The following ZNF682 variants were observed in gnomAD, a reference collection of about 807,000 sequenced individuals.
ZNF682 encodes the protein zinc finger protein 682.
Under a neutral mutation model 36.5 loss-of-function variants are expected in ZNF682, and 29 were observed. The observed-to-expected ratio is 0.80, with a 90% CI of 0.59 to 1.08. The LOEUF is 1.08. ZNF682 is among the 50% of genes least tolerant of loss of function. The pLI, the probability that ZNF682 is intolerant of heterozygous loss-of-function variation, is 0.00. For missense variants in ZNF682, 561 were observed against 579.7 expected (o/e 0.97, Z 0.33); for synonymous variants, 180 against 197.0 (o/e 0.91, Z 0.72).
At chr19:20,033,074 T>C (rs1391136694) in intron 1 of ZNF682, among the ~76,000 whole-genome samples, 1 of 152,132 alleles carries the variant, frequency 6.6e-6, no homozygotes, top group African/African-American at 2.4e-5. Context: ...GAGACAAGCC[T>C]GGCCAACGTG....
In ZNF682 at chr19:20,006,477, T is replaced by G. The variant is rs1467185216; in HGVS notation, c.1025A>C (p.Lys342Thr). Residue 342 changes from lysine to threonine, a missense_variant, in exon 4 of 4, where the codon AAA becomes ACA. By Grantham distance (78) the Lys-to-Thr change is moderately conservative (BLOSUM62 -1). Coordinates refer to ENST00000397165, the MANE Select transcript of ZNF682 (RefSeq NM_033196.3). ...ERTHTGEKPYKCEECGKAFNS... is the reference protein window; with the variant it reads ...ERTHTGEKPYTCEECGKAFNS... ...AAAAGCTTTGCCACATTCTTCACAT[T>G]TATAGGGTTTCTCTCCCGTATGGGT... is the stretch of plus-strand genomic sequence containing the variant. The G allele has an allele frequency of 6.2e-7, 1 of 1,613,922 alleles. No individual in the cohort carries two copies. Among genetic ancestry groups the G allele is most frequent in the Non-Finnish European group, 8.5e-7 (1 of 1,180,012 alleles).
chr19:20,022,926 A>G (rs2088398577), intron 3 of ZNF682, 78 bp downstream of exon 3: 9 of 1,230,220 alleles, frequency 7.3e-6, no homozygotes, highest in Admixed American at 1.9e-5. Flanking sequence ...GAGCTTCTCA[A>G]ATAACTCTTG....
At chr19:20,016,772 T>C (rs1432699690) in intron 3 of ZNF682, among the ~76,000 whole-genome samples, 3 of 152,138 alleles carry the variant, frequency 2.0e-5, no homozygotes, top group Admixed American at 6.5e-5. Flanking sequence ...TCACCATGTG[T>C]ATAGTTCTAT....
chr19:20,039,222 G>A, intron 1 of ZNF682, 121 bp downstream of exon 1: 5 of 1,494,018 alleles, frequency 3.3e-6, no homozygotes, highest in Non-Finnish European at 4.5e-6. Flanking sequence ...TGCCTGCCGG[G>A]GACTCCAGTC....
chr19:20,019,238 AC>A (rs60061877), intron 3 of ZNF682, among the ~76,000 whole-genome samples: 60 of 151,566 alleles, frequency 4.0e-4, no homozygotes, highest in African/African-American at 1.4e-3. Context: ...AACTGTAACC[AC>A]CCCCCCAAAA....
At chr19:20,020,905 C>T (rs761801128) in intron 3 of ZNF682, among the ~76,000 whole-genome samples, 3 of 152,048 alleles carry the variant, frequency 2.0e-5, no homozygotes, top group East Asian at 1.9e-4. Context: ...GACCCAGTCT[C>T]GAAGTGGGGA....
chr19:20,005,897 A>T lies in ZNF682; in HGVS notation c.*108T>A. Reference sequence around the variant, plus strand: ...CTTTCCCCACATTCTTCACATTTGTAGTGTTTCTCTCCAGTATGAATTATC... The same window carrying T: ...CTTTCCCCACATTCTTCACATTTGTTGTGTTTCTCTCCAGTATGAATTATC... On this transcript the variant is annotated 3_prime_UTR_variant, in exon 4 of 4. Coordinates refer to ENST00000397165, the MANE Select transcript of ZNF682 (RefSeq NM_033196.3). 2 of 1,060,056 alleles carry T rather than the reference A, an allele frequency of 1.9e-6. No homozygotes were observed. The highest frequency in any genetic ancestry group is 2.7e-6 in the Non-Finnish European group (2 of 734,000). 65.7% of individuals were successfully genotyped at this position (1,060,056 alleles called of 1,614,324 possible). A position where few individuals can be genotyped will look rare whatever the true frequency, so the allele number is the denominator to read the frequency against.
chr19:20,021,539 G>A (rs2088384170), intron 3 of ZNF682, among the ~76,000 whole-genome samples: 1 of 152,116 alleles, frequency 6.6e-6, no homozygotes, highest in African/African-American at 2.4e-5. Flanking sequence ...GTTAACAGAT[G>A]CATTCATTAA....
At chr19:20,008,288 C>T (rs946453025) in intron 3 of ZNF682, 81 of 152,210 alleles carry the variant, frequency 5.3e-4, no homozygotes, top group African/African-American at 1.8e-3. Context: ...GGTTTCCATC[C>T]CAGGAAGCCT....
In ZNF682 at chr19:20,020,697, CAT is replaced by C. The variant is rs1269064638; in HGVS notation, c.226+2305_226+2306del. On this transcript the variant is annotated intron_variant, in intron 3 of 3. Transcript: ENST00000397165. ...CTGACTGGATAAAGAAAATATGACA[CAT>C]ATACACAATAGAGTATTATTCAGCC... 8.6e-5 allele frequency among the ~76,000 whole-genome samples: 13 copies of C among 152,014 alleles called. 1 individual carries two copies. Among genetic ancestry groups the C allele is most frequent in the Admixed American group, 2.0e-4 (3 of 15,242 alleles).
intron 3 of ZNF682, among the ~76,000 whole-genome samples, chr19:19,997,730 C>T (rs1035064): frequency 0.05 from 7,610 of 152,278 alleles, 373 homozygotes; most frequent in East Asian, 0.18. Flanking sequence ...TTACTCTTAT[C>T]GCACTTGGAG....
chr19:20,006,831 G>A lies in ZNF682; in HGVS notation c.671C>T (p.Thr224Ile), dbSNP rs1243931485. The A allele has an allele frequency of 8.1e-6, 13 of 1,614,030 alleles. No individual in the cohort carries two copies. Among genetic ancestry groups the A allele is most frequent in the Non-Finnish European group, 1.1e-5 (13 of 1,180,026 alleles). The change falls in exon 4 of 4, where the codon ACT becomes ATT. Residue 224 changes from threonine (T) to isoleucine (I), a missense_variant. Transcript: ENST00000397165. The stretch of plus-strand genomic sequence containing the variant: ...TTCACATTTGTATGGTTTCTCTCCA[G>A]TGTGAATTCTCTTATGTTTAGTAAG... The part of the protein sequence containing the change: ...SYLTKHKRIH[T>I]GEKPYKCEEC...
At chr19:20,024,065 G>A (rs1289648019) in intron 2 of ZNF682, among the ~76,000 whole-genome samples, 185 bp downstream of exon 2, 3 of 152,142 alleles carry the variant, frequency 2.0e-5, no homozygotes, top group African/African-American at 7.2e-5. Context: ...GTAGAAGAAA[G>A]TTAATGTAAA....
intron 1 of ZNF682, among the ~76,000 whole-genome samples, chr19:20,037,091 C>T (rs755883892): frequency 1.3e-5 from 2 of 152,186 alleles, no homozygotes; most frequent in Non-Finnish European, 2.9e-5. Context: ...AATGAAGCCC[C>T]TTATTTCTAA....
chr19:20,024,251 C>G lies in ZNF682; in HGVS notation c.129G>C (p.Leu43=), dbSNP rs2088411796. Residue 43 remains leucine, a splice_region_variant and synonymous_variant, in exon 2 of 4, where the codon CTG becomes CTC. Transcript: ENST00000397165. ...ATTGTGTATTGAAGTTATTCTCACC[C>G]AGAGAGACCAGGTTTCTGTAGTTCT... ...MLENYRNLVS[L]GLTVSKPELI... is the part of the protein sequence containing the mutation. 1.9e-6 allele frequency: 3 copies of G among 1,613,730 alleles called. No individual in the cohort carries two copies. Among genetic ancestry groups the G allele is most frequent in the Non-Finnish European group, 2.5e-6 (3 of 1,179,868 alleles).
Position 20,006,985 on chromosome 19 carries a change from A to G in ZNF682, c.517T>C (p.Phe173Leu), listed in dbSNP as rs965387601. The G allele has an allele frequency of 1.9e-6, 3 of 1,612,854 alleles. No homozygotes were observed. Among genetic ancestry groups the G allele is most frequent in the Non-Finnish European group, 2.5e-6 (3 of 1,179,252 alleles). Residue 173 changes from phenylalanine (F) to leucine (L), a missense_variant, in exon 4 of 4, where the codon TTC (phenylalanine) becomes CTC (leucine). Transcript: ENST00000397165. ...ENIRHTTEKL[F>L]KCMQCGKVFK... ...ACTTTGCCACATTGCATACATTTGA[A>G]AAGTTTCTCTGTAGTATGTCTTATG...
chr19:20,007,066 G>A lies in ZNF682; in HGVS notation c.436C>T (p.Pro146Ser), dbSNP rs774696339. 2 of 1,613,352 alleles carry A rather than the reference G, an allele frequency of 1.2e-6. No homozygotes were observed. The highest frequency in any genetic ancestry group is 4.5e-5 in the East Asian group (2 of 44,856). ...CLSTLPSKIF[P>S]YNKCVKVFSK... ...AAGACTTTCACACATTTATTATATG[G>A]GAAAATTTTGCTAGGTAGAGTTGAC... is the stretch of plus-strand genomic sequence containing the variant. Residue 146 changes from proline to serine, a missense_variant, in exon 4 of 4, where the codon CCA becomes TCA. Transcript: ENST00000397165.
chr19:20,032,783 T>G (rs942192109), intron 1 of ZNF682, among the ~76,000 whole-genome samples: 1 of 152,182 alleles, frequency 6.6e-6, no homozygotes, highest in Admixed American at 6.5e-5. Flanking sequence ...TCATAATTAG[T>G]CCTCAAGAAG....
intron 3 of ZNF682, among the ~76,000 whole-genome samples, chr19:20,017,541 A>G (rs2088345241): frequency 6.6e-6 from 1 of 152,204 alleles, no homozygotes; most frequent in South Asian, 2.1e-4. Context: ...ACTATAACAC[A>G]TAGCACTCTC....
Sources: gnomAD v4.1 joint callset for allele counts (sites outside exome capture counted in the v4.1 genomes callset) on GRCh38, gnomAD v4.1.1 for gene constraint, MANE v1.5 for transcripts, NCBI Gene and HGNC (gene_info 2026-07-23, HGNC 2026-07-21) for gene names.